DCSTAMP: variants seen among roughly 807,000 people sequenced by gnomAD.
DCSTAMP encodes the protein dendrocyte expressed seven transmembrane protein, also known as dendritic cell-specific transmembrane protein.
DCSTAMP carries 25 observed loss-of-function variants against 33.8 expected under a neutral mutation model. That is an observed-to-expected ratio of 0.74 (90% confidence interval 0.54 to 1.03). The LOEUF (loss-of-function observed/expected upper bound fraction) is 1.03, where lower values mean the gene tolerates loss of function less well. DCSTAMP is among the 50% of genes least tolerant of loss of function. DCSTAMP has a pLI of 0.00. For synonymous variants in DCSTAMP, 245 were observed against 216.7 expected (o/e 1.13, Z -1.15); for missense variants, 531 against 556.8 (o/e 0.95, Z 0.47).
Position 104,356,169 on chromosome 8 carries a change from A to G in DCSTAMP, c.1384A>G (p.Met462Val). 1 of 1,613,026 alleles carries G rather than the reference A, an allele frequency of 6.2e-7. No individual in the cohort carries two copies. Among genetic ancestry groups the G allele is most frequent in the African/African-American group, 1.3e-5 (1 of 74,962 alleles). ...PVLKMIRKKQ[M>V]DMASADKS Reference sequence around the variant, plus strand: ...CCTGAAAATGATTAGGAAGAAGCAAATGGACATGGCAAGTGCAGACAAGTC... The same window carrying G: ...CCTGAAAATGATTAGGAAGAAGCAAGTGGACATGGCAAGTGCAGACAAGTC... The change falls in exon 4 of 4, where the codon ATG becomes GTG. Residue 462 changes from methionine to valine, a missense_variant. Coordinates refer to ENST00000297581, the MANE Select transcript of DCSTAMP (RefSeq NM_030788.4).
At chr8:104,356,012 T>G in intron 3 of DCSTAMP, 112 bp from the exon 4 acceptor site, 1 of 892,948 alleles carries the variant, frequency 1.1e-6, no homozygotes, top group Non-Finnish European at 1.7e-6. Flanking sequence ...TCTATTTCAG[T>G]CTTTTGCTGT....
intron 1 of DCSTAMP, among the ~76,000 whole-genome samples, chr8:104,343,270 C>T (rs2099383266): frequency 6.6e-6 from 1 of 152,172 alleles, no homozygotes. Context: ...CAGTTTCCTA[C>T]CTAAAAAGAT....
intron 2 of DCSTAMP, among the ~76,000 whole-genome samples, chr8:104,350,000 C>T (rs553951654): frequency 3.3e-4 from 51 of 152,252 alleles, no homozygotes; most frequent in African/African-American, 1.2e-3. Flanking sequence ...GCTCTGTCAT[C>T]GCATCACTTT....
chr8:104,347,827 C>T (rs922007304), intron 1 of DCSTAMP, among the ~76,000 whole-genome samples: 4 of 152,118 alleles, frequency 2.6e-5, no homozygotes, highest in African/African-American at 4.8e-5. Flanking sequence ...TATATTACCT[C>T]GCATGGTAAA....
In DCSTAMP at chr8:104,349,251, A is replaced by G. The variant is rs1209183958; in HGVS notation, c.699A>G (p.Arg233=). Residue 233 remains arginine (R), a synonymous_variant, in exon 2 of 4, where the codon CGA becomes CGG. Coordinates refer to ENST00000297581, the MANE Select transcript of DCSTAMP (RefSeq NM_030788.4). Reference sequence around the variant, plus strand: ...TTGGCACTGGCCTCTTCATGAAGCGATTTTTGGGCCCTTGTGGTTGGAAGT... The same window carrying G: ...TTGGCACTGGCCTCTTCATGAAGCGGTTTTTGGGCCCTTGTGGTTGGAAGT... The part of the protein sequence containing the change: ...VLLGTGLFMK[R]FLGPCGWKYE... The G allele has an allele frequency of 1.2e-6, 2 of 1,614,128 alleles. No individual in the cohort carries two copies. Among genetic ancestry groups the G allele is most frequent in the Non-Finnish European group, 1.7e-6 (2 of 1,180,028 alleles).
rs1294227409 is a variant in DCSTAMP at position 104,348,890 on chromosome 8, A to T, written c.338A>T (p.Asn113Ile). The T allele has an allele frequency of 6.2e-7, 1 of 1,614,224 alleles. No homozygotes were observed. Among genetic ancestry groups the T allele is most frequent in the Non-Finnish European group, 8.5e-7 (1 of 1,180,028 alleles). The change falls in exon 2 of 4, where the codon AAT (asparagine) becomes ATT (isoleucine). Residue 113 changes from asparagine (N) to isoleucine (I), a missense_variant. Asn to Ile is a moderately radical substitution (Grantham distance 149). Transcript: ENST00000297581. ...TGIVILGHVE[N>I]IFHNFKGLLD... The stretch of plus-strand genomic sequence containing the variant: ...ATCGTCATCTTGGGACACGTAGAAA[A>T]TATTTTTCACAACTTTAAAGGTCTC...
chr8:104,348,265 A>G (rs763440474), intron 1 of DCSTAMP, among the ~76,000 whole-genome samples: 2 of 152,202 alleles, frequency 1.3e-5, no homozygotes, highest in Admixed American at 6.5e-5. Flanking sequence ...ACGTGGAGCG[A>G]GTCCCAGGCC....
intron 2 of DCSTAMP, among the ~76,000 whole-genome samples, chr8:104,350,145 T>G (rs1437422900): frequency 2.0e-5 from 3 of 152,224 alleles, no homozygotes; most frequent in African/African-American, 7.2e-5. Flanking sequence ...GCAAAGATCC[T>G]TTTTCCAAAT....
chr8:104,355,980 A>G lies in DCSTAMP; in HGVS notation c.1339-144A>G, dbSNP rs1203802839. 9.1e-6 allele frequency: 6 copies of G among 657,402 alleles called. No homozygotes were observed. In the Admixed American group the frequency reaches 9.2e-5, roughly 10 times the overall value. The allele number at this position is 657,402 out of a possible 1,614,324, so 40.7% of individuals were successfully genotyped here. A position where few individuals can be genotyped will look rare whatever the true frequency, so the allele number is the denominator to read the frequency against. On this transcript the variant is annotated intron_variant, in intron 3 of 3. Transcript: ENST00000297581. ...AGCCCATAGACAATGGAAGACCAAC[A>G]TAACCCACAAAAATAAGCTTGTCTA...
At chr8:104,354,598 G>T (rs953392531) in intron 2 of DCSTAMP, among the ~76,000 whole-genome samples, 2 of 152,178 alleles carry the variant, frequency 1.3e-5, no homozygotes, top group Admixed American at 6.5e-5. Context: ...CAAAAGAAGG[G>T]ATAGAGTAAA....
At chr8:104,343,297 A>G (rs570012757) in intron 1 of DCSTAMP, among the ~76,000 whole-genome samples, 25 of 152,330 alleles carry the variant, frequency 1.6e-4, no homozygotes, top group African/African-American at 6.0e-4. Flanking sequence ...ACAATAGTAC[A>G]GGGTTAGAAA....
intron 1 of DCSTAMP, among the ~76,000 whole-genome samples, chr8:104,340,687 A>G (rs1163128847): frequency 6.6e-6 from 1 of 152,188 alleles, no homozygotes; most frequent in Non-Finnish European, 1.5e-5. Flanking sequence ...AGGAGGTGAC[A>G]TGACCTATCC....
intron 1 of DCSTAMP, among the ~76,000 whole-genome samples, chr8:104,342,793 T>A (rs1174004080): frequency 2.0e-5 from 3 of 152,216 alleles, no homozygotes; most frequent in Non-Finnish European, 4.4e-5. Flanking sequence ...AGACAGCCCT[T>A]GATCTGGACC....
At chr8:104,345,081 G>A (rs1483510610) in intron 1 of DCSTAMP, among the ~76,000 whole-genome samples, 1 of 151,932 alleles carries the variant, frequency 6.6e-6, no homozygotes, top group Non-Finnish European at 1.5e-5. Context: ...GAGCCACCAC[G>A]CTCAGCCTCC....
intron 1 of DCSTAMP, among the ~76,000 whole-genome samples, chr8:104,345,924 A>G (rs200515659): frequency 2.0e-5 from 3 of 152,222 alleles, no homozygotes; most frequent in African/African-American, 7.2e-5. Context: ...TCAGCTCTTA[A>G]CAGCCACTGG....
chr8:104,351,348 G>A (rs1197268746), intron 2 of DCSTAMP, among the ~76,000 whole-genome samples: 1 of 152,218 alleles, frequency 6.6e-6, no homozygotes, highest in Non-Finnish European at 1.5e-5. Flanking sequence ...TGCATGCTGG[G>A]TTAAGTACAC....
At chr8:104,352,635 C>A (rs768999816) in intron 2 of DCSTAMP, among the ~76,000 whole-genome samples, 35 of 152,004 alleles carry the variant, frequency 2.3e-4, no homozygotes, top group Non-Finnish European at 4.4e-4. Flanking sequence ...TCCAAAAAAA[C>A]CCAGCTTTCC....
chr8:104,347,518 T>C (rs543057242), intron 1 of DCSTAMP, among the ~76,000 whole-genome samples: 15 of 152,352 alleles, frequency 9.8e-5, no homozygotes, highest in Admixed American at 9.1e-4. Context: ...GCTTATGATA[T>C]AGGACTGTTG....
In DCSTAMP at chr8:104,348,643, C is replaced by T; in HGVS notation, c.91C>T (p.Gln31Ter). The change falls in exon 2 of 4, where the codon CAG becomes TAG. Residue 31 changes from glutamine to a stop codon, truncating the protein, a stop_gained. Coordinates refer to ENST00000297581, the MANE Select transcript of DCSTAMP (RefSeq NM_030788.4). LOFTEE classifies it high-confidence loss of function. ...PRSPGWMDFI[Q>*]HLGVCCLVAL... ...AAGCCCCGGATGGATGGACTTTATC[C>T]AGCATTTGGGAGTTTGCTGTTTGGT... The T allele has an allele frequency of 6.2e-7, 1 of 1,614,178 alleles. No homozygotes were observed. Among genetic ancestry groups the T allele is most frequent in the Non-Finnish European group, 8.5e-7 (1 of 1,180,034 alleles).
Sources: allele counts gnomAD v4.1 joint callset (sites outside exome capture counted in the v4.1 genomes callset), GRCh38; gene constraint gnomAD v4.1.1; transcripts MANE v1.5; gene names NCBI Gene and HGNC (gene_info 2026-07-23, HGNC 2026-07-21).